ADAM12: variants seen among roughly 807,000 people sequenced by gnomAD.
ADAM12 encodes the protein disintegrin and metalloproteinase domain-containing protein 12.
In ADAM12, 70 loss-of-function variants were observed where a neutral mutation model predicts 106.4. The observed-to-expected ratio is 0.66, with a 90% CI of 0.54 to 0.80. The LOEUF (loss-of-function observed/expected upper bound fraction) is 0.80, where lower values mean the gene tolerates loss of function less well. Among genes scored for constraint, ADAM12 ranks in the 30% least tolerant of loss-of-function variants. ADAM12 has a pLI of 0.00. For synonymous variants in ADAM12, 420 were observed against 433.5 expected, an observed-to-expected ratio of 0.97 and a Z score of 0.39; for missense variants, 1,010 against 1,171.9, an observed-to-expected ratio of 0.86 and a Z score of 2.02.
At chr10:126,069,897 T>C (rs1430583325) in intron 12 of ADAM12, among the ~76,000 whole-genome samples, 1 of 152,082 alleles carries the variant, frequency 6.6e-6, no homozygotes, top group Non-Finnish European at 1.5e-5. Context: ...TGGTCGTGAT[T>C]GTAGCAGTGA....
At chr10:126,161,598 G>A (rs892361787) in intron 3 of ADAM12, among the ~76,000 whole-genome samples, 3 of 152,134 alleles carry the variant, frequency 2.0e-5, no homozygotes, top group East Asian at 3.9e-4. Flanking sequence ...CTTTTGCTTC[G>A]GGCTTTCTGC....
intron 1 of ADAM12, among the ~76,000 whole-genome samples, chr10:126,343,763 A>G (rs1390969057): frequency 6.6e-6 from 1 of 152,118 alleles, no homozygotes; most frequent in Non-Finnish European, 1.5e-5. Context: ...TTTGATTTGC[A>G]TTTCTCTGAT....
chr10:126,195,518 T>C (rs1349820451), intron 3 of ADAM12, among the ~76,000 whole-genome samples: 17 of 152,128 alleles, frequency 1.1e-4, no homozygotes, highest in Non-Finnish European at 4.4e-5. Flanking sequence ...GAGGTTGCAG[T>C]GAGCCAAATC....
At chr10:126,296,494 T>G (rs1393834529) in intron 2 of ADAM12, among the ~76,000 whole-genome samples, 1 of 152,170 alleles carries the variant, frequency 6.6e-6, no homozygotes, top group Non-Finnish European at 1.5e-5. Flanking sequence ...TGCAAATTCA[T>G]TTCTTCCCCC....
At chr10:126,338,322 G>A (rs1426899601) in intron 1 of ADAM12, among the ~76,000 whole-genome samples, 3 of 136,054 alleles carry the variant, frequency 2.2e-5, no homozygotes, top group Non-Finnish European at 3.0e-5. Flanking sequence ...GCGGGATCTC[G>A]GCTCACTGCA....
chr10:126,147,432 C>T (rs1956649299), intron 4 of ADAM12, among the ~76,000 whole-genome samples: 1 of 152,184 alleles, frequency 6.6e-6, no homozygotes, highest in African/African-American at 2.4e-5. Flanking sequence ...CAAACATAGT[C>T]ATGACACGCC....
intron 3 of ADAM12, among the ~76,000 whole-genome samples, chr10:126,271,442 A>G (rs1253159176): frequency 6.6e-6 from 1 of 151,910 alleles, no homozygotes; most frequent in Non-Finnish European, 1.5e-5. Context: ...CACCCGCTCT[A>G]CCCTCCCAGC....
chr10:126,086,147 G>T (rs865916599), intron 11 of ADAM12, among the ~76,000 whole-genome samples: 1 of 152,138 alleles, frequency 6.6e-6, no homozygotes, highest in African/African-American at 2.4e-5. Flanking sequence ...AAGGAGGTTT[G>T]CAGAATTAAA....
rs371046833 is a variant in ADAM12, at chr10:126,046,156, A to C, written c.1918-24T>G. ...ATCTGTAGGAGGAGGAAAACACAGC[A>C]AATCTCTTAGTATTTCTCCAACCCC... On this transcript the variant is annotated intron_variant, in intron 16 of 22. Coordinates refer to ENST00000448723, the MANE Select transcript of ADAM12 (RefSeq NM_001288973.2). 2.2e-5 allele frequency: 35 copies of C among 1,600,878 alleles called. No homozygotes were observed. In the East Asian group the frequency reaches 5.1e-4, roughly 23 times the overall value.
At chr10:126,105,803 G>A (rs1955756261) in intron 8 of ADAM12, among the ~76,000 whole-genome samples, 1 of 152,202 alleles carries the variant, frequency 6.6e-6, no homozygotes, top group South Asian at 2.1e-4. Context: ...CCTTTCACCA[G>A]GATTCTCCTG....
At chr10:126,075,368 C>T (rs73376523) in intron 11 of ADAM12, among the ~76,000 whole-genome samples, 2,349 of 152,212 alleles carry the variant, frequency 0.015, 71 homozygotes, top group African/African-American at 0.053. Flanking sequence ...CACATCATTC[C>T]ATTATTCCCC....
rs118012242 is a variant in ADAM12, at chr10:126,232,091, A to G, written c.260+46824T>C. 3.6e-4 allele frequency among the ~76,000 whole-genome samples: 55 copies of G among 152,216 alleles called. 2 individuals carry two copies. The East Asian group carries it at 0.01, about 29-fold the overall frequency. ...TACTGGCCTCCCCAAAGATGTACAC[A>G]TTCTAATTCCTGGAACCTGTGAATC... On this transcript the variant is annotated intron_variant, in intron 3 of 22. Transcript: ENST00000448723.
chr10:126,108,118 G>A (rs1955807744), intron 8 of ADAM12, among the ~76,000 whole-genome samples: 1 of 152,180 alleles, frequency 6.6e-6, no homozygotes, highest in Non-Finnish European at 1.5e-5. Flanking sequence ...GTCAACTTCT[G>A]TGTTCCAGGA....
intron 1 of ADAM12, among the ~76,000 whole-genome samples, chr10:126,372,291 C>T (rs1162221273): frequency 2.0e-5 from 3 of 152,158 alleles, no homozygotes; most frequent in Non-Finnish European, 4.4e-5. Flanking sequence ...TACCATGTGC[C>T]CCCTGTACCA....
intron 3 of ADAM12, among the ~76,000 whole-genome samples, chr10:126,257,524 A>G (rs1349945935): frequency 6.6e-6 from 1 of 152,224 alleles, no homozygotes; most frequent in Non-Finnish European, 1.5e-5. Flanking sequence ...GTGGTCATGC[A>G]TTTCTACGCT....
intron 3 of ADAM12, among the ~76,000 whole-genome samples, chr10:126,271,164 G>A (rs1036366536): frequency 6.6e-6 from 1 of 152,120 alleles, no homozygotes; most frequent in Non-Finnish European, 1.5e-5. Context: ...CCACATCTTT[G>A]TGTCTCTGGC....
intron 5 of ADAM12, among the ~76,000 whole-genome samples, chr10:126,122,660 C>G (rs955036161): frequency 5.3e-5 from 8 of 152,080 alleles, no homozygotes; most frequent in Non-Finnish European, 1.5e-5. Flanking sequence ...ACTTGGGAGG[C>G]TGATGTGGGA....
In ADAM12 at chr10:126,038,364, C is replaced by A; in HGVS notation, c.2241-15G>T. The A allele has an allele frequency of 6.4e-7, 1 of 1,550,670 alleles. No individual in the cohort carries two copies. On this transcript the variant is annotated splice_polypyrimidine_tract_variant and intron_variant, in intron 19 of 22. Coordinates refer to ENST00000448723, the MANE Select transcript of ADAM12 (RefSeq NM_001288973.2). ...GGCGCACACACCTGCAACAGAATCC[C>A]ATACCTGCTGACCAAGCGTGTTTCC...
chr10:126,203,311 C>G (rs1957735329), intron 3 of ADAM12, among the ~76,000 whole-genome samples: 1 of 152,084 alleles, frequency 6.6e-6, no homozygotes, highest in Non-Finnish European at 1.5e-5. Context: ...CTACCAACAC[C>G]TATTGGAAAG....
Sources: gnomAD v4.1 joint callset for allele counts (sites outside exome capture counted in the v4.1 genomes callset) on GRCh38, gnomAD v4.1.1 for gene constraint, MANE v1.5 for transcripts, NCBI Gene and HGNC (gene_info 2026-07-23, HGNC 2026-07-21) for gene names.